Variants in VEPH1 observed in about 807,000 individuals in gnomAD.
VEPH1 encodes ventricular zone expressed PH domain containing 1.
Under a neutral mutation model 85.2 loss-of-function variants are expected in VEPH1, and 80 were observed. That is an observed-to-expected ratio of 0.94 (90% confidence interval 0.78 to 1.13). VEPH1 has a LOEUF of 1.13. Ranked by LOEUF, VEPH1 falls within the 50% of genes most tolerant of loss-of-function variation. VEPH1 has a pLI of 0.00. For missense variants in VEPH1, 955 were observed against 980.5 expected (o/e 0.97, Z 0.35); for synonymous variants, 297 against 348.0 (o/e 0.85, Z 1.63).
At chr3:157,307,732 A>T (rs1451129364) in intron 11 of VEPH1, among the ~76,000 whole-genome samples, 1 of 151,908 alleles carries the variant, frequency 6.6e-6, no homozygotes, top group Admixed American at 6.5e-5. Context: ...ACTCCATGAG[A>T]AAAGTCTGTT....
intron 4 of VEPH1, among the ~76,000 whole-genome samples, chr3:157,430,326 C>T (rs183810155): frequency 6.6e-6 from 1 of 152,304 alleles, no homozygotes; most frequent in East Asian, 1.9e-4. Flanking sequence ...TACCATCATA[C>T]TCTACACATC....
chr3:157,273,549 T>C (rs1057197298), intron 12 of VEPH1, among the ~76,000 whole-genome samples: 11 of 151,918 alleles, frequency 7.2e-5, no homozygotes, highest in African/African-American at 2.4e-4. Context: ...TAAAAAAGAA[T>C]AAAAGTTCAT....
rs1324333790 is a variant in VEPH1 at position 157,363,430 on chromosome 3, T to C, written c.1669A>G (p.Lys557Glu). The C allele has an allele frequency of 6.2e-7, 1 of 1,613,444 alleles. No homozygotes were observed. Among genetic ancestry groups the C allele is most frequent in the Non-Finnish European group, 8.5e-7 (1 of 1,179,834 alleles). ...LYLHLKKNLSKVKAYAMEIGK... is the reference protein window; with the variant it reads ...LYLHLKKNLSEVKAYAMEIGK... ...ATTTCCATGGCATATGCTTTCACTT[T>C]GCTGAGGTTTTTTTTTAAGTGCAAG... Residue 557 changes from lysine to glutamate, a missense_variant, in exon 9 of 14, where the codon AAA becomes GAA. Coordinates refer to ENST00000362010, the MANE Select transcript of VEPH1 (RefSeq NM_001167912.2).
At chr3:157,340,391 A>G (rs1431664798) in intron 9 of VEPH1, among the ~76,000 whole-genome samples, 1 of 152,226 alleles carries the variant, frequency 6.6e-6, no homozygotes, top group Non-Finnish European at 1.5e-5. Flanking sequence ...CACCTGGCTC[A>G]GAGGGTCCCA....
chr3:157,267,351 C>T (rs1371593876), intron 12 of VEPH1, among the ~76,000 whole-genome samples: 5 of 151,078 alleles, frequency 3.3e-5, no homozygotes, highest in African/African-American at 7.3e-5. Flanking sequence ...TCCACCCTGG[C>T]GTCCCAAAGT....
chr3:157,423,292 T>TAACACAGA (rs1262585648), intron 5 of VEPH1, among the ~76,000 whole-genome samples: 1 of 152,226 alleles, frequency 6.6e-6, no homozygotes, highest in Non-Finnish European at 1.5e-5. Context: ...TGCATACCAG[T>TAACACAGA]AACACAGAAT....
intron 11 of VEPH1, among the ~76,000 whole-genome samples, chr3:157,294,807 A>G (rs1206812905): frequency 6.6e-6 from 1 of 152,212 alleles, no homozygotes; most frequent in East Asian, 1.9e-4. Flanking sequence ...CAAGCTTTAG[A>G]AGTAAATTTA....
At chr3:157,442,990 A>G in intron 4 of VEPH1, 1 of 1,576,032 alleles carries the variant, frequency 6.3e-7, no homozygotes, top group African/African-American at 1.4e-5. Context: ...ATGTTGTGAA[A>G]CTCCACTTGA....
At chr3:157,442,322 T>C (rs1734186700) in intron 4 of VEPH1, 1 of 1,438,064 alleles carries the variant, frequency 7.0e-7, no homozygotes, top group Non-Finnish European at 9.4e-7. Flanking sequence ...TCTGAATTAA[T>C]TTATATTTTC....
At chr3:157,449,109 C>T (rs1238780454) in intron 4 of VEPH1, among the ~76,000 whole-genome samples, 2 of 152,124 alleles carry the variant, frequency 1.3e-5, no homozygotes, top group Non-Finnish European at 2.9e-5. Context: ...TGGAAATTGC[C>T]CAGTCTCAGG....
At chr3:157,383,892 T>G (rs1202513495) in intron 6 of VEPH1, among the ~76,000 whole-genome samples, 2 of 152,120 alleles carry the variant, frequency 1.3e-5, no homozygotes, top group East Asian at 3.8e-4. Context: ...CAGTTTTTGT[T>G]TTTTTTTGCA....
intron 4 of VEPH1, among the ~76,000 whole-genome samples, chr3:157,447,966 CGATGATGAT>C (rs549807691): frequency 4.0e-5 from 6 of 151,458 alleles, no homozygotes; most frequent in Non-Finnish European, 7.4e-5. Flanking sequence ...ACAACCAGAA[CGATGATGAT>C]GATGATGATG....
intron 4 of VEPH1, chr3:157,442,336 A>G: frequency 6.7e-7 from 1 of 1,501,652 alleles, no homozygotes; most frequent in African/African-American, 1.4e-5. Flanking sequence ...TATTTTCTTT[A>G]ATATTCTTCT....
In VEPH1 at chr3:157,470,427, C is replaced by A. The variant is rs1339049684; in HGVS notation, c.241G>T (p.Ala81Ser). Residue 81 changes from alanine (A) to serine (S), a missense_variant, in exon 3 of 14, where the codon GCC (alanine) becomes TCC (serine). Ala to Ser is a moderately conservative substitution (Grantham distance 99). Coordinates refer to ENST00000362010, the MANE Select transcript of VEPH1 (RefSeq NM_001167912.2). ...CAGGAGTCCCAGAGCCCCACAAGGG[C>A]CTTTGCATGCTTTTCAATGGACTCG... is the stretch of plus-strand genomic sequence containing the variant. ...ETESIEKHAKALVGLWDSCLE... is the reference protein window; with the variant it reads ...ETESIEKHAKSLVGLWDSCLE... The A allele has an allele frequency of 6.2e-7, 1 of 1,614,130 alleles. No homozygotes were observed. Among genetic ancestry groups the A allele is most frequent in the Non-Finnish European group, 8.5e-7 (1 of 1,180,034 alleles).
At chr3:157,263,273 C>T (rs548061180) in intron 13 of VEPH1, among the ~76,000 whole-genome samples, 6 of 152,164 alleles carry the variant, frequency 3.9e-5, no homozygotes, top group South Asian at 4.1e-4. Context: ...CTATTTGAGC[C>T]GCAAGTTTTG....
intron 1 of VEPH1, among the ~76,000 whole-genome samples, chr3:157,500,639 C>T (rs981451940): frequency 1.3e-5 from 2 of 152,142 alleles, no homozygotes; most frequent in Admixed American, 1.3e-4. Flanking sequence ...AATGAAGTTT[C>T]GTCTTTTAAT....
chr3:157,328,560 C>T (rs1303810141), intron 9 of VEPH1, among the ~76,000 whole-genome samples: 1 of 152,142 alleles, frequency 6.6e-6, no homozygotes, highest in Non-Finnish European at 1.5e-5. Context: ...GGGGACAGGG[C>T]ACAAGTAGAA....
chr3:157,442,971 G>A (rs1734259088), intron 4 of VEPH1: 3 of 1,595,748 alleles, frequency 1.9e-6, no homozygotes, highest in Non-Finnish European at 2.6e-6. Context: ...AGCTCAGTAT[G>A]TTTCATAAAT....
intron 5 of VEPH1, 127 bp downstream of exon 5, chr3:157,428,195 C>T (rs927828651): frequency 7.4e-6 from 7 of 945,918 alleles, no homozygotes; most frequent in South Asian, 4.7e-5. Context: ...AGTAGATGAG[C>T]GCTTTCACTT....
Sources: allele counts gnomAD v4.1 joint callset (sites outside exome capture counted in the v4.1 genomes callset), GRCh38; gene constraint gnomAD v4.1.1; transcripts MANE v1.5; gene names NCBI Gene and HGNC (gene_info 2026-07-23, HGNC 2026-07-21).